DGKH: variants seen among roughly 807,000 people sequenced by gnomAD.
DGKH encodes the protein diacylglycerol kinase eta.
Under a neutral mutation model 159.3 loss-of-function variants are expected in DGKH, and 90 were observed. The observed-to-expected ratio is 0.57, with a 90% CI of 0.48 to 0.67. The LOEUF is 0.67. DGKH is among the 30% of genes least tolerant of loss of function. The probability of loss-of-function intolerance (pLI) is 0.00; values close to 1 mark genes in which losing one functional copy is unlikely to be tolerated. For synonymous variants in DGKH, 536 were observed against 553.8 expected, an observed-to-expected ratio of 0.97 and a Z score of 0.45; for missense variants, 1,181 against 1,506.1, an observed-to-expected ratio of 0.78 and a Z score of 3.57.
rs1954709658 is a variant in DGKH, at chr13:42,104,443, TGGG to T, written c.193-23017_193-23015del. 3.3e-5 allele frequency among the ~76,000 whole-genome samples: 5 copies of T among 152,348 alleles called. No individual in the cohort carries two copies. The South Asian group carries it at 1.0e-3, about 32-fold the overall frequency. Reference sequence around the variant, plus strand: ...TTTCATTGGCAAGATCTTAGTGACATGGGGGCTTCAAACTTCAAATAGCCTGGG... The same window carrying T: ...TTTCATTGGCAAGATCTTAGTGACATGGCTTCAAACTTCAAATAGCCTGGG... On this transcript the variant is annotated intron_variant, in intron 1 of 29. Coordinates refer to ENST00000337343, the MANE Select transcript of DGKH (RefSeq NM_178009.5).
intron 3 of DGKH, among the ~76,000 whole-genome samples, chr13:42,145,036 G>T (rs1226602550): frequency 1.3e-5 from 2 of 152,224 alleles, no homozygotes; most frequent in African/African-American, 4.8e-5. Context: ...TAATGGATGA[G>T]AGAGGATTAG....
In DGKH at chr13:42,077,322, T is replaced by C. The variant is rs114718233; in HGVS notation, c.192+28357T>C. ...CTTTATTAATACTTAAAATACTTAATAAATTAATACTTAGAATACTTAAAC... is the reference window on the plus strand; with the variant it reads ...CTTTATTAATACTTAAAATACTTAACAAATTAATACTTAGAATACTTAAAC... On this transcript the variant is annotated intron_variant, in intron 1 of 29. Coordinates refer to ENST00000337343, the MANE Select transcript of DGKH (RefSeq NM_178009.5). 7.4e-3 allele frequency among the ~76,000 whole-genome samples: 1,131 copies of C among 152,244 alleles called. 19 individuals carry two copies. Among genetic ancestry groups the C allele is most frequent in the African/African-American group, 0.026 (1,093 of 41,558 alleles).
chr13:42,098,181 T>A (rs1432748033), intron 1 of DGKH, among the ~76,000 whole-genome samples: 1 of 152,164 alleles, frequency 6.6e-6, no homozygotes, highest in African/African-American at 2.4e-5. Context: ...GAAAAAATAA[T>A]TAATATTATA....
At chr13:42,049,145 A>G (rs1881048740) in intron 1 of DGKH, among the ~76,000 whole-genome samples, 180 bp downstream of exon 1, 5 of 47,104 alleles carry the variant, frequency 1.1e-4, no homozygotes, top group African/African-American at 1.7e-4. Context: ...GGATGGTGAG[A>G]CGGTGAGGCG....
chr13:42,172,293 G>A (rs1029643615), intron 11 of DGKH, among the ~76,000 whole-genome samples: 2 of 151,300 alleles, frequency 1.3e-5, no homozygotes, highest in African/African-American at 4.9e-5. Flanking sequence ...TGTATTTTTA[G>A]TAGAGATGGG....
chr13:42,253,657 G>A (rs374937177), intron 30 of DGKH, among the ~76,000 whole-genome samples: 3 of 152,056 alleles, frequency 2.0e-5, no homozygotes, highest in African/African-American at 7.2e-5. Context: ...TAAGCTCCTG[G>A]GAATAATAAA....
intron 20 of DGKH, among the ~76,000 whole-genome samples, chr13:42,204,557 C>T (rs1297907125): frequency 6.6e-6 from 1 of 152,234 alleles, no homozygotes; most frequent in Non-Finnish European, 1.5e-5. Context: ...TTAGCGAACA[C>T]AAGCTTCTGT....
chr13:42,181,208 C>T (rs996885349), intron 13 of DGKH, among the ~76,000 whole-genome samples: 1 of 135,646 alleles, frequency 7.4e-6, no homozygotes, highest in Non-Finnish European at 1.5e-5. Flanking sequence ...ACCCGGGAGG[C>T]GGAGCTTGCA....
At chr13:42,177,382 T>C (rs1956632043) in intron 12 of DGKH, among the ~76,000 whole-genome samples, 1 of 152,270 alleles carries the variant, frequency 6.6e-6, no homozygotes, top group Non-Finnish European at 1.5e-5. Flanking sequence ...CTCATTCTCC[T>C]ATGGTCTTCC....
chr13:42,049,241 C>T lies in DGKH; in HGVS notation c.192+276C>T, dbSNP rs142638140. On this transcript the variant is annotated intron_variant, in intron 1 of 29. Coordinates refer to ENST00000337343, the MANE Select transcript of DGKH (RefSeq NM_178009.5). Reference sequence around the variant, plus strand: ...ACCGCGGTGCTGCGGGACGGATTCCCGGCGGCTGCGCGGGAGGCTGCGAGC... The same window carrying T: ...ACCGCGGTGCTGCGGGACGGATTCCTGGCGGCTGCGCGGGAGGCTGCGAGC... Among the ~76,000 whole-genome samples, 1,087 of 151,006 alleles carry T rather than the reference C, an allele frequency of 7.2e-3. 13 individuals carry two copies. The highest frequency in any genetic ancestry group is 0.023 in the African/African-American group (942 of 40,752).
At chr13:42,098,218 G>A (rs1656358500) in intron 1 of DGKH, among the ~76,000 whole-genome samples, 3 of 152,322 alleles carry the variant, frequency 2.0e-5, no homozygotes, top group Admixed American at 2.0e-4. Context: ...AGGGCACGGT[G>A]CCTCATGCCT....
At chr13:42,254,833 T>C (rs558409529) in intron 30 of DGKH, among the ~76,000 whole-genome samples, 1 of 152,336 alleles carries the variant, frequency 6.6e-6, no homozygotes, top group Non-Finnish European at 1.5e-5. Flanking sequence ...TTCGTGATGA[T>C]TTCTACATAG....
rs547616314 is a variant in DGKH at position 42,239,875 on chromosome 13, C to G, written c.*10687C>G. 6.6e-6 allele frequency: 1 copy of G among 152,256 alleles called. No individual in the cohort carries two copies. Among genetic ancestry groups the G allele is most frequent in the Non-Finnish European group, 1.5e-5 (1 of 68,014 alleles). 9.4% of individuals were successfully genotyped at this position (152,256 alleles called of 1,614,324 possible). A position where few individuals can be genotyped will look rare whatever the true frequency, so the allele number is the denominator to read the frequency against. On this transcript the variant is annotated 3_prime_UTR_variant, in exon 30 of 30. Transcript: ENST00000337343. Reference sequence around the variant, plus strand: ...CCTTCCCTCTGTTGACTTTTGTAATCCAGGAATTTGGAACTACTTATGACT... The same window carrying G: ...CCTTCCCTCTGTTGACTTTTGTAATGCAGGAATTTGGAACTACTTATGACT...
intron 24 of DGKH, among the ~76,000 whole-genome samples, chr13:42,211,278 G>A (rs955267204): frequency 6.6e-6 from 1 of 152,304 alleles, no homozygotes; most frequent in South Asian, 2.1e-4. Flanking sequence ...GGGCTAATAA[G>A]AGCTGTTTCA....
chr13:42,106,476 A>G (rs377374209), intron 1 of DGKH, among the ~76,000 whole-genome samples: 3 of 152,222 alleles, frequency 2.0e-5, no homozygotes, highest in Non-Finnish European at 4.4e-5. Flanking sequence ...AACATGTGAT[A>G]TGGCCTCACA....
intron 3 of DGKH, among the ~76,000 whole-genome samples, chr13:42,134,532 C>T (rs1028610170): frequency 1.2e-4 from 18 of 152,144 alleles, no homozygotes; most frequent in Non-Finnish European, 1.6e-4. Context: ...TTATAGGCCA[C>T]ACAGTATTGC....
upstream of DGKH, among the ~76,000 whole-genome samples, chr13:42,046,463 C>T (rs1880799324): frequency 6.6e-6 from 1 of 152,192 alleles, no homozygotes; most frequent in Non-Finnish European, 1.5e-5. Context: ...TTGAAACTGG[C>T]TCTTCAGAAG....
At chr13:42,153,046 T>G (rs1955955110) in intron 3 of DGKH, among the ~76,000 whole-genome samples, 1 of 137,444 alleles carries the variant, frequency 7.3e-6, no homozygotes, top group South Asian at 2.2e-4. Flanking sequence ...TTTTCCAGTT[T>G]TTTTTGCCTC....
chr13:42,201,046 G>A (rs1448116450), intron 20 of DGKH, among the ~76,000 whole-genome samples: 4 of 152,056 alleles, frequency 2.6e-5, no homozygotes, highest in Non-Finnish European at 5.9e-5. Context: ...ACGCTGCAGT[G>A]TAGTGGTGCG....
Sources: gnomAD v4.1 joint callset for allele counts (sites outside exome capture counted in the v4.1 genomes callset) on GRCh38, gnomAD v4.1.1 for gene constraint, MANE v1.5 for transcripts, NCBI Gene and HGNC (gene_info 2026-07-23, HGNC 2026-07-21) for gene names.